HOMER1: variants seen among roughly 807,000 people sequenced by gnomAD.
HOMER1 encodes homer scaffold protein 1.
In HOMER1, 3 loss-of-function variants were observed where a neutral mutation model predicts 48.9. The ratio of observed to expected loss-of-function variants is 0.06; its 90% CI spans 0.03 to 0.16. HOMER1 has a LOEUF of 0.16. Ranked by LOEUF, HOMER1 falls within the 10% of genes least tolerant of loss-of-function variation. HOMER1 has a pLI of 1.00. For missense variants in HOMER1, 247 were observed against 411.4 expected (o/e 0.60, Z 3.46); for synonymous variants, 134 against 146.4 (o/e 0.92, Z 0.61).
intron 5 of HOMER1, among the ~76,000 whole-genome samples, chr5:79,434,418 G>A (rs763174266): frequency 2.0e-5 from 3 of 151,930 alleles, no homozygotes; most frequent in Non-Finnish European, 2.9e-5. Context: ...CCTGGAAAGA[G>A]AACAAAACCT....
At chr5:79,388,307 T>C (rs1233031191) in intron 8 of HOMER1, among the ~76,000 whole-genome samples, 1 of 152,114 alleles carries the variant, frequency 6.6e-6, no homozygotes, top group Non-Finnish European at 1.5e-5. Context: ...AGAAAAACTA[T>C]TAAAGGACAT....
At chr5:79,429,750 G>A (rs1002109238) in intron 5 of HOMER1, among the ~76,000 whole-genome samples, 24 of 152,174 alleles carry the variant, frequency 1.6e-4, no homozygotes, top group African/African-American at 4.8e-4. Context: ...TTGGCTGGGC[G>A]TGGTGGCTCA....
intron 1 of HOMER1, among the ~76,000 whole-genome samples, chr5:79,506,642 G>C (rs1752776153): frequency 6.6e-6 from 1 of 152,116 alleles, no homozygotes; most frequent in African/African-American, 2.4e-5. Flanking sequence ...TTCAAGACGA[G>C]CCTGGGCAAC....
chr5:79,431,743 A>G (rs569853320), intron 5 of HOMER1, among the ~76,000 whole-genome samples: 1 of 152,360 alleles, frequency 6.6e-6, no homozygotes, highest in South Asian at 2.1e-4. Flanking sequence ...TGGCAGACAG[A>G]AAACAAAAGT....
chr5:79,486,852 A>T lies in HOMER1; in HGVS notation c.5+25918T>A, dbSNP rs116571953. Among the ~76,000 whole-genome samples the T allele has an allele frequency of 4.5e-3, 683 of 152,370 alleles. 5 individuals carry two copies. The highest frequency in any genetic ancestry group is 0.015 in the African/African-American group (639 of 41,594). On this transcript the variant is annotated intron_variant, in intron 1 of 8. Coordinates refer to ENST00000334082, the MANE Select transcript of HOMER1 (RefSeq NM_004272.5). ...CTATTGAGTTTTAAGCAAGGTAGGT[A>T]GTATGTAATCCATTTTATATTTAAA...
At chr5:79,471,629 C>T (rs1278186651) in intron 1 of HOMER1, among the ~76,000 whole-genome samples, 1 of 151,348 alleles carries the variant, frequency 6.6e-6, no homozygotes, top group Non-Finnish European at 1.5e-5. Context: ...CCTGGCTGCA[C>T]ATTAGAAATC....
intron 1 of HOMER1, among the ~76,000 whole-genome samples, chr5:79,496,055 G>A (rs1752412241): frequency 6.6e-6 from 1 of 152,116 alleles, no homozygotes; most frequent in East Asian, 1.9e-4. Flanking sequence ...TTTTCAAAAT[G>A]TATTAAAGAT....
chr5:79,435,232 C>T (rs924644423), intron 5 of HOMER1, among the ~76,000 whole-genome samples: 3 of 152,122 alleles, frequency 2.0e-5, no homozygotes, highest in Non-Finnish European at 4.4e-5. Context: ...ACTTTCAGTG[C>T]TAAATGAAAA....
At chr5:79,389,486 C>G (rs1267503986) in intron 8 of HOMER1, among the ~76,000 whole-genome samples, 1 of 152,126 alleles carries the variant, frequency 6.6e-6, no homozygotes, top group Non-Finnish European at 1.5e-5. Flanking sequence ...AGAAGTGGAG[C>G]CTTTAAGAGA....
rs538721657 is a variant in HOMER1, at chr5:79,501,316, C to T, written c.5+11454G>A. Among the ~76,000 whole-genome samples the T allele has an allele frequency of 7.2e-5, 11 of 152,198 alleles. No homozygotes were observed. The East Asian group carries it at 1.2e-3, about 16-fold the overall frequency. On this transcript the variant is annotated intron_variant, in intron 1 of 8. Transcript: ENST00000334082. ...CTTTTCTTTAGCTTACTTTATTGTA[C>T]GAATACAGCATATAAAACATATAAC...
Position 79,375,788 on chromosome 5 carries a change from G to C in HOMER1, c.*221C>G, listed in dbSNP as rs1748754026. ...CCAATAATATACATGGAGGTAATTT[G>C]TAGTTCAAGTTTTTCATCTTTTTTC... is the stretch of plus-strand genomic sequence containing the variant. On this transcript the variant is annotated 3_prime_UTR_variant, in exon 9 of 9. Coordinates refer to ENST00000334082, the MANE Select transcript of HOMER1 (RefSeq NM_004272.5). 1 of 383,056 alleles carries C rather than the reference G, an allele frequency of 2.6e-6. No homozygotes were observed. The highest frequency in any genetic ancestry group is 3.9e-5 in the East Asian group (1 of 25,648). 23.7% of individuals were successfully genotyped at this position (383,056 alleles called of 1,614,324 possible).
chr5:79,471,165 A>G (rs1032307287), intron 1 of HOMER1, among the ~76,000 whole-genome samples: 31 of 152,158 alleles, frequency 2.0e-4, no homozygotes, highest in Admixed American at 6.6e-4. Context: ...ATAATTTTAA[A>G]ATAATAAAAC....
chr5:79,394,986 G>T lies in HOMER1; in HGVS notation c.876+1837C>A, dbSNP rs114489194. On this transcript the variant is annotated intron_variant, in intron 8 of 8. Coordinates refer to ENST00000334082, the MANE Select transcript of HOMER1 (RefSeq NM_004272.5). ...ATATAACTGAAAATACTTTTTAAAA[G>T]AATCATTAAGGATGACTTGACTGTT... Among the ~76,000 whole-genome samples, 581 of 152,264 alleles carry T rather than the reference G, an allele frequency of 3.8e-3. 6 individuals carry two copies. The highest frequency in any genetic ancestry group is 0.013 in the African/African-American group (546 of 41,548).
intron 1 of HOMER1, among the ~76,000 whole-genome samples, chr5:79,502,526 G>A (rs957475188): frequency 2.6e-5 from 4 of 152,046 alleles, no homozygotes; most frequent in South Asian, 2.1e-4. Flanking sequence ...ACATGGTAGC[G>A]CTTTTATGAG....
chr5:79,482,944 AGTG>A (rs1751987101), intron 1 of HOMER1, among the ~76,000 whole-genome samples: 1 of 152,164 alleles, frequency 6.6e-6, no homozygotes, highest in African/African-American at 2.4e-5. Context: ...TTGAGGCTGC[AGTG>A]AGCCGTGATC....
At chr5:79,449,045 A>C (rs1333739644) in intron 3 of HOMER1, among the ~76,000 whole-genome samples, 2 of 152,216 alleles carry the variant, frequency 1.3e-5, no homozygotes, top group Non-Finnish European at 2.9e-5. Flanking sequence ...AGAAGTTAAT[A>C]AACTATTCCT....
intron 3 of HOMER1, among the ~76,000 whole-genome samples, chr5:79,449,918 A>G (rs1185891638): frequency 6.6e-6 from 1 of 152,276 alleles, no homozygotes; most frequent in Non-Finnish European, 1.5e-5. Context: ...AGAAATGTTT[A>G]TAATTAGAAG....
chr5:79,382,019 A>T (rs1036913152), intron 8 of HOMER1, among the ~76,000 whole-genome samples: 10 of 152,234 alleles, frequency 6.6e-5, no homozygotes, highest in Non-Finnish European at 1.0e-4. Flanking sequence ...TGAAATAAAA[A>T]ATACATTCAA....
chr5:79,407,143 T>C (rs888134932), intron 5 of HOMER1, among the ~76,000 whole-genome samples: 7 of 152,072 alleles, frequency 4.6e-5, no homozygotes, highest in African/African-American at 1.4e-4. Flanking sequence ...ATAGTAACCA[T>C]ACCAACAACA....
Sources: gnomAD v4.1 joint callset for allele counts (sites outside exome capture counted in the v4.1 genomes callset) on GRCh38, gnomAD v4.1.1 for gene constraint, MANE v1.5 for transcripts, NCBI Gene and HGNC (gene_info 2026-07-23, HGNC 2026-07-21) for gene names.